Variants in CADM3 observed in about 807,000 individuals in gnomAD.
The protein encoded by CADM3 is TSLC1-like 1.
Under a neutral mutation model 44.9 loss-of-function variants are expected in CADM3, and 11 were observed. That is an observed-to-expected ratio of 0.25 (90% CI 0.15 to 0.41). The LOEUF is 0.41. Among genes scored for constraint, CADM3 ranks in the 10% least tolerant of loss-of-function variants. The pLI is 1.00. For synonymous variants in CADM3, 207 were observed against 205.2 expected (o/e 1.01, Z -0.08); for missense variants, 426 against 512.0 (o/e 0.83, Z 1.62).
At chr1:159,195,694 C>T (rs1649861001) in intron 5 of CADM3, 1 of 152,272 alleles carries the variant, frequency 6.6e-6, no homozygotes, top group Admixed American at 6.5e-5. Context: ...TTAGGGGAAG[C>T]TCAGCCTCTT....
In CADM3 at chr1:159,184,677, C is replaced by G. The variant is rs113965823; in HGVS notation, c.89-7259C>G. On this transcript the variant is annotated intron_variant, in intron 1 of 8. Coordinates refer to ENST00000368125, the MANE Select transcript of CADM3 (RefSeq NM_001127173.3). ...AGGGACAATATATAAACCAAGCAAT[C>G]CGGGGTTATACTGGCAGACTTTCAT... 3.1e-3 allele frequency among the ~76,000 whole-genome samples: 472 copies of G among 152,304 alleles called. 2 individuals carry two copies. Among genetic ancestry groups the G allele is most frequent in the African/African-American group, 0.01 (434 of 41,548 alleles).
intron 1 of CADM3, among the ~76,000 whole-genome samples, chr1:159,182,773 G>A (rs951272178): frequency 3.2e-4 from 48 of 152,140 alleles, no homozygotes; most frequent in African/African-American, 8.7e-4. Flanking sequence ...GACCAGATAC[G>A]CAAGTTGGCT....
chr1:159,199,721 T>C, intron 7 of CADM3, 30 bp from the exon 8 acceptor site: 1 of 1,614,098 alleles, frequency 6.2e-7, no homozygotes, highest in Non-Finnish European at 8.5e-7. Context: ...TCTCCCCAGA[T>C]CTGACTGTGT....
rs1400470230 is a variant in CADM3 at position 159,192,604 on chromosome 1, G to T, written c.256G>T (p.Val86Phe). The T allele has an allele frequency of 6.2e-7, 1 of 1,614,096 alleles. No homozygotes were observed. The highest frequency in any genetic ancestry group is 2.2e-5 in the East Asian group (1 of 44,884). ...CCTTCGAGATAATCGAATTCAGCTG[G>T]TTACCTCTACGCCCCACGAGCTCAG... The part of the protein sequence containing the change: ...RALRDNRIQL[V>F]TSTPHELSIS... The change falls in exon 3 of 9, where the codon GTT becomes TTT. Residue 86 changes from valine (V) to phenylalanine (F), a missense_variant. Val to Phe is a conservative substitution (Grantham distance 50). Coordinates refer to ENST00000368125, the MANE Select transcript of CADM3 (RefSeq NM_001127173.3).
intron 1 of CADM3, among the ~76,000 whole-genome samples, chr1:159,172,797 C>G (rs1018650517): frequency 6.6e-6 from 1 of 151,566 alleles, no homozygotes; most frequent in African/African-American, 2.4e-5. Flanking sequence ...GGTGAGGGGA[C>G]TTGGGGAAGA....
chr1:159,177,267 C>T (rs1649057700), intron 1 of CADM3, among the ~76,000 whole-genome samples: 1 of 152,044 alleles, frequency 6.6e-6, no homozygotes, highest in Non-Finnish European at 1.5e-5. Context: ...GACTGTGTAT[C>T]AACCAGACAG....
chr1:159,176,521 C>T (rs1271976511), intron 1 of CADM3, among the ~76,000 whole-genome samples: 1 of 152,150 alleles, frequency 6.6e-6, no homozygotes, highest in African/African-American at 2.4e-5. Flanking sequence ...TACTTCAGGT[C>T]ATCATAAAAT....
intron 1 of CADM3, 88 bp from the exon 2 acceptor site, chr1:159,191,848 G>A (rs1649675316): frequency 1.3e-6 from 2 of 1,520,562 alleles, no homozygotes; most frequent in Non-Finnish European, 1.8e-6. Context: ...GCCTTGGATG[G>A]TCTGAACTAG....
intron 1 of CADM3, among the ~76,000 whole-genome samples, chr1:159,172,699 G>GC (rs751723804): frequency 3.2e-4 from 49 of 152,204 alleles, no homozygotes; most frequent in Non-Finnish European, 4.6e-4. Flanking sequence ...TAGCCCCTTT[G>GC]CCCCAGTCTG....
intron 1 of CADM3, among the ~76,000 whole-genome samples, chr1:159,188,724 C>T (rs1649526300): frequency 1.3e-5 from 2 of 152,142 alleles, no homozygotes; most frequent in South Asian, 2.1e-4. Context: ...TCAGGTTGGG[C>T]TAGGGACTTA....
At chr1:159,192,486 C>A (rs1571019610) in intron 2 of CADM3, 92 bp from the exon 3 acceptor site, 3 of 1,481,206 alleles carry the variant, frequency 2.0e-6, no homozygotes, top group Non-Finnish European at 2.8e-6. Flanking sequence ...CCATACTAGA[C>A]CCCTTCCCCC....
chr1:159,188,177 TCA>T (rs1186496054), intron 1 of CADM3, among the ~76,000 whole-genome samples: 1 of 151,956 alleles, frequency 6.6e-6, no homozygotes, highest in Admixed American at 6.6e-5. Context: ...CGCAGCTGTC[TCA>T]GAGTCCCATT....
rs185530251 is a variant in CADM3, at chr1:159,186,904, T to G, written c.89-5032T>G. On this transcript the variant is annotated intron_variant, in intron 1 of 8. Transcript: ENST00000368125. ...GTAAACCCATAGAGGCAATACATCA[T>G]GTACATCCCAAATATGACATTTATT... 6.3e-4 allele frequency among the ~76,000 whole-genome samples: 96 copies of G among 152,336 alleles called. 1 individual carries two copies. Among genetic ancestry groups the G allele is most frequent in the African/African-American group, 2.3e-3 (94 of 41,584 alleles).
At chr1:159,182,572 T>C (rs929244059) in intron 1 of CADM3, among the ~76,000 whole-genome samples, 1 of 151,590 alleles carries the variant, frequency 6.6e-6, no homozygotes, top group Non-Finnish European at 1.5e-5. Context: ...TCTTGTCAAC[T>C]ATAAAAATCT....
At chr1:159,173,264 G>C (rs746494008) in intron 1 of CADM3, among the ~76,000 whole-genome samples, 5 of 151,956 alleles carry the variant, frequency 3.3e-5, no homozygotes, top group Non-Finnish European at 5.9e-5. Context: ...AACTGGGAAG[G>C]ATGATGTAGA....
intron 1 of CADM3, among the ~76,000 whole-genome samples, chr1:159,190,621 G>A (rs1161061121): frequency 6.6e-6 from 1 of 152,190 alleles, no homozygotes; most frequent in Non-Finnish European, 1.5e-5. Context: ...AACAGTCGAT[G>A]CTATCAGTCA....
intron 1 of CADM3, among the ~76,000 whole-genome samples, chr1:159,173,498 C>T (rs1324207185): frequency 1.3e-5 from 2 of 152,256 alleles, no homozygotes; most frequent in East Asian, 3.9e-4. Flanking sequence ...ACCACAGAGA[C>T]AGCAGCCTCT....
intron 5 of CADM3, 50 bp from the exon 6 acceptor site, chr1:159,196,314 T>G: frequency 6.9e-7 from 1 of 1,449,506 alleles, no homozygotes; most frequent in African/African-American, 1.4e-5. Flanking sequence ...TGAGGGAATC[T>G]CCTAAGCCGT....
Position 159,190,926 on chromosome 1 carries a change from G to C in CADM3, c.89-1010G>C, listed in dbSNP as rs79646879. 1.3e-3 allele frequency among the ~76,000 whole-genome samples: 194 copies of C among 152,350 alleles called. 2 individuals carry two copies. The highest frequency in any genetic ancestry group is 3.4e-3 in the Middle Eastern group (1 of 294). On this transcript the variant is annotated intron_variant, in intron 1 of 8. Coordinates refer to ENST00000368125, the MANE Select transcript of CADM3 (RefSeq NM_001127173.3). ...ATTAGAATCAGACCTGGAAGGTGTT[G>C]TCTATTTTAGATTTGTTCGGTGGGG...
Sources: allele counts gnomAD v4.1 joint callset (sites outside exome capture counted in the v4.1 genomes callset), GRCh38; gene constraint gnomAD v4.1.1; transcripts MANE v1.5; gene names NCBI Gene and HGNC (gene_info 2026-07-23, HGNC 2026-07-21).